Variants in CCDC81 observed in about 807,000 individuals in gnomAD.
The protein encoded by CCDC81 is coiled-coil domain containing 81.
A neutral mutation model predicts 83.7 loss-of-function variants in CCDC81; 79 were observed. The ratio of observed to expected loss-of-function variants is 0.94; its 90% CI spans 0.79 to 1.14. The LOEUF is 1.14. Among genes scored for constraint, CCDC81 ranks in the 50% most tolerant of loss-of-function variants. The pLI is 0.00. For synonymous variants in CCDC81, 252 were observed against 278.1 expected (o/e 0.91, Z 0.93); for missense variants, 791 against 778.1 (o/e 1.02, Z -0.20).
chr11:86,376,334 T>C (rs1419850133), intron 1 of CCDC81, among the ~76,000 whole-genome samples: 1 of 152,200 alleles, frequency 6.6e-6, no homozygotes, highest in Non-Finnish European at 1.5e-5. Flanking sequence ...AGTTTATTTG[T>C]ACACTGCTAT....
chr11:86,408,012 A>G, intron 8 of CCDC81, 115 bp from the exon 9 acceptor site: 1 of 978,568 alleles, frequency 1.0e-6, no homozygotes, highest in Non-Finnish European at 1.5e-6. Context: ...TCACTAATAT[A>G]TCCATTAATA....
chr11:86,407,689 C>A lies in CCDC81; in HGVS notation c.957C>A (p.Asn319Lys). The A allele has an allele frequency of 5.0e-6, 8 of 1,612,522 alleles. No individual in the cohort carries two copies. Among genetic ancestry groups the A allele is most frequent in the Non-Finnish European group, 6.8e-6 (8 of 1,178,840 alleles). ...PQTSPACQDH[N>K]KAGQEMCYVC... ...CATCTCCAGCTTGCCAGGATCATAA[C>A]AAGGCAGGACAGGTACAGTGTTTCC... The change falls in exon 8 of 15, where the codon AAC becomes AAA. Residue 319 changes from asparagine (N) to lysine (K), a missense_variant. Coordinates refer to ENST00000445632, the MANE Select transcript of CCDC81 (RefSeq NM_001156474.2).
intron 14 of CCDC81, among the ~76,000 whole-genome samples, chr11:86,422,142 A>T (rs944493108): frequency 1.3e-5 from 2 of 152,170 alleles, no homozygotes; most frequent in African/African-American, 4.8e-5. Flanking sequence ...AAGTCCTCTC[A>T]ACTCTCTGCT....
chr11:86,382,636 C>T (rs1344040446), intron 1 of CCDC81, among the ~76,000 whole-genome samples: 14 of 152,090 alleles, frequency 9.2e-5, no homozygotes, highest in Admixed American at 9.2e-4. Flanking sequence ...TGTAAATAAA[C>T]ATTTGGGAAT....
At chr11:86,419,761 G>C (rs1007934924) in intron 13 of CCDC81, 167 bp from the exon 14 acceptor site, 57 of 520,920 alleles carry the variant, frequency 1.1e-4, no homozygotes, top group African/African-American at 1.1e-3. Context: ...TTATTTGAGA[G>C]CTAGGAATTT....
At chr11:86,411,465 C>T (rs932370355) in intron 10 of CCDC81, among the ~76,000 whole-genome samples, 20 of 152,312 alleles carry the variant, frequency 1.3e-4, no homozygotes, top group African/African-American at 3.4e-4. Flanking sequence ...CCTGATGTAC[C>T]GTTTCTTGCT....
intron 1 of CCDC81, among the ~76,000 whole-genome samples, chr11:86,375,665 T>C (rs1412798940): frequency 6.6e-6 from 1 of 152,174 alleles, no homozygotes; most frequent in Admixed American, 6.5e-5. Flanking sequence ...TGCCGTTGTA[T>C]TAAGAAAATG....
At chr11:86,402,051 C>T (rs1424709323) in intron 7 of CCDC81, among the ~76,000 whole-genome samples, 1 of 144,334 alleles carries the variant, frequency 6.9e-6, no homozygotes, top group Non-Finnish European at 1.5e-5. Context: ...AGGAGAATGG[C>T]GTGAACCCGG....
At chr11:86,411,753 A>T (rs1948644181) in intron 10 of CCDC81, among the ~76,000 whole-genome samples, 1 of 152,224 alleles carries the variant, frequency 6.6e-6, no homozygotes, top group African/African-American at 2.4e-5. Flanking sequence ...CTGACCCAAT[A>T]GTCCCACAGA....
At chr11:86,397,484 C>A in intron 5 of CCDC81, 137 bp from the exon 6 acceptor site, 1 of 992,384 alleles carries the variant, frequency 1.0e-6, no homozygotes, top group Non-Finnish European at 1.5e-6. Flanking sequence ...CTTAGCACAT[C>A]AGAGCACTCA....
chr11:86,397,858 A>C, intron 6 of CCDC81, 116 bp downstream of exon 6: 1 of 1,236,338 alleles, frequency 8.1e-7, no homozygotes, highest in Non-Finnish European at 1.1e-6. Flanking sequence ...TATTATTATT[A>C]CTTTTTTTTT....
chr11:86,400,553 CAA>C (rs1948471827), intron 6 of CCDC81, 123 bp from the exon 7 acceptor site: 1 of 958,586 alleles, frequency 1.0e-6, no homozygotes, highest in South Asian at 2.1e-5. Flanking sequence ...CACAATAGAA[CAA>C]GGGGTGATTA....
intron 3 of CCDC81, among the ~76,000 whole-genome samples, chr11:86,390,259 C>T (rs1402560051): frequency 6.6e-6 from 1 of 152,160 alleles, no homozygotes; most frequent in Non-Finnish European, 1.5e-5. Context: ...GATGATAGGA[C>T]TCTGTGAGCA....
chr11:86,385,310 G>C (rs749911603), intron 1 of CCDC81, among the ~76,000 whole-genome samples: 7 of 152,090 alleles, frequency 4.6e-5, no homozygotes, highest in Non-Finnish European at 8.8e-5. Flanking sequence ...GTTTGAACCC[G>C]GGAGGCGGAG....
intron 1 of CCDC81, among the ~76,000 whole-genome samples, chr11:86,375,508 G>T (rs1405009449): frequency 6.6e-6 from 1 of 152,138 alleles, no homozygotes; most frequent in Admixed American, 6.5e-5. Context: ...GCTCAATAAA[G>T]GTTAGGTAAA....
At chr11:86,391,238 TG>T (rs918178941) in intron 3 of CCDC81, among the ~76,000 whole-genome samples, 62 of 152,144 alleles carry the variant, frequency 4.1e-4, no homozygotes, top group African/African-American at 1.4e-3. Context: ...TGGAGGGTGG[TG>T]GTTAGAATTA....
In CCDC81 at chr11:86,422,908, C is replaced by G. The variant is rs1948815379; in HGVS notation, c.*193C>G. On this transcript the variant is annotated 3_prime_UTR_variant, in exon 15 of 15. Coordinates refer to ENST00000445632, the MANE Select transcript of CCDC81 (RefSeq NM_001156474.2). The stretch of plus-strand genomic sequence containing the variant: ...CTCCCACCCCCAATTATTTCCTATA[C>G]TAGTTTCTGATGGCAGTGAAGGTGT... The G allele has an allele frequency of 1.7e-6, 1 of 591,678 alleles. No homozygotes were observed. Among genetic ancestry groups the G allele is most frequent in the East Asian group, 3.0e-5 (1 of 33,310 alleles). 36.7% of individuals were successfully genotyped at this position (591,678 alleles called of 1,614,324 possible).
chr11:86,407,412 G>T (rs906825150), intron 7 of CCDC81, among the ~76,000 whole-genome samples: 5 of 152,334 alleles, frequency 3.3e-5, no homozygotes, highest in East Asian at 1.9e-4. Flanking sequence ...CATCTTGCAA[G>T]CAAGAAAGCT....
At chr11:86,375,373 C>CCAG (rs2138479381) in intron 1 of CCDC81, 131 bp downstream of exon 1, 1 of 704,498 alleles carries the variant, frequency 1.4e-6, no homozygotes, top group East Asian at 2.6e-5. Context: ...GCCTTGACAA[C>CCAG]CAGCTGGTAA....
Sources: allele counts gnomAD v4.1 joint callset (sites outside exome capture counted in the v4.1 genomes callset), GRCh38; gene constraint gnomAD v4.1.1; transcripts MANE v1.5; gene names NCBI Gene and HGNC (gene_info 2026-07-23, HGNC 2026-07-21).